BEND3: variants seen among roughly 807,000 people sequenced by gnomAD.
BEND3 encodes BEN domain-containing protein 3.
Under a neutral mutation model 60.1 loss-of-function variants are expected in BEND3, and 13 were observed. The ratio of observed to expected loss-of-function variants is 0.22; its 90% CI spans 0.14 to 0.34. The LOEUF (loss-of-function observed/expected upper bound fraction) is 0.34. BEND3 is among the 10% of genes least tolerant of loss of function. BEND3 has a pLI of 1.00. For synonymous variants in BEND3, 497 were observed against 491.5 expected, an observed-to-expected ratio of 1.01 and a Z score of -0.15; for missense variants, 896 against 1,138.1, an observed-to-expected ratio of 0.79 and a Z score of 3.06.
chr6:107,097,052 G>T (rs1414718550), intron 3 of BEND3, among the ~76,000 whole-genome samples: 1 of 152,116 alleles, frequency 6.6e-6, no homozygotes, highest in African/African-American at 2.4e-5. Context: ...GAAAGGTATA[G>T]TATGTGAATT....
chr6:107,078,558 C>A (rs1554233052), intron 3 of BEND3, among the ~76,000 whole-genome samples: 1 of 11,190 alleles, frequency 8.9e-5, no homozygotes, highest in Non-Finnish European at 1.9e-4. Context: ...GGGTTCATGC[C>A]ATTCTCCTGC....
At chr6:107,114,875 C>G (rs1770229766) in intron 1 of BEND3, among the ~76,000 whole-genome samples, 2 of 149,252 alleles carry the variant, frequency 1.3e-5, no homozygotes, top group Non-Finnish European at 3.0e-5. Context: ...GCGCGGCGAG[C>G]CCGTGGGCGC....
chr6:107,094,663 T>G (rs559648729), intron 3 of BEND3, among the ~76,000 whole-genome samples: 3 of 128,564 alleles, frequency 2.3e-5, no homozygotes, highest in African/African-American at 8.8e-5. Context: ...AATAAATAAA[T>G]AAAACGAACA....
intron 3 of BEND3, among the ~76,000 whole-genome samples, chr6:107,086,008 C>T (rs1402185854): frequency 1.3e-5 from 2 of 151,812 alleles, no homozygotes; most frequent in Non-Finnish European, 2.9e-5. Context: ...AGGATGGTCT[C>T]GATCTCCTGA....
rs1554231209 is a variant in BEND3, at chr6:107,068,668, C to A, written c.*36G>T. The A allele has an allele frequency of 6.3e-7, 1 of 1,592,478 alleles. No homozygotes were observed. Among genetic ancestry groups the A allele is most frequent in the East Asian group, 2.2e-5 (1 of 44,858 alleles). ...CCCAAGGGTGCCCATCGCTCAGCCT[C>A]TGGTGACCCCGAATCTCTGGGCAGG... On this transcript the variant is annotated 3_prime_UTR_variant, in exon 4 of 4. Coordinates refer to ENST00000369042, the MANE Select transcript of BEND3 (RefSeq NM_001367314.1). This position sits in a 1 kb window ranked among gnomAD's most constrained non-coding sequence, Gnocchi z 5.8.
chr6:107,080,119 G>A (rs1207772104), intron 3 of BEND3, among the ~76,000 whole-genome samples: 2 of 151,790 alleles, frequency 1.3e-5, no homozygotes, highest in Non-Finnish European at 2.9e-5. Flanking sequence ...ACATATGGCT[G>A]GCTGTGGTGG....
At chr6:107,100,298 A>C (rs1554236619) in intron 1 of BEND3, among the ~76,000 whole-genome samples, 1 of 152,182 alleles carries the variant, frequency 6.6e-6, no homozygotes, top group East Asian at 1.9e-4. Flanking sequence ...GCTGGAGTGC[A>C]GTGGCGCAAT....
intron 3 of BEND3, among the ~76,000 whole-genome samples, chr6:107,084,097 G>A (rs782135104): frequency 1.3e-5 from 2 of 152,148 alleles, no homozygotes; most frequent in African/African-American, 4.8e-5. Context: ...CCGTAAGACC[G>A]GTAAGGTCAC....
chr6:107,082,511 T>TTGGCTC (rs1175934174), intron 3 of BEND3, among the ~76,000 whole-genome samples: 2 of 152,190 alleles, frequency 1.3e-5, no homozygotes, highest in Admixed American at 1.3e-4. Context: ...CTTGGCTCAC[T>TTGGCTC]ACAACTTCTA....
rs34112086 is a variant in BEND3 at position 107,107,424 on chromosome 6, C to CTT, written c.-12+7664_-12+7665dup. 3.8e-3 allele frequency among the ~76,000 whole-genome samples: 552 copies of CTT among 147,046 alleles called. 9 individuals carry two copies. The South Asian group carries it at 0.048, about 13-fold the overall frequency. On this transcript the variant is annotated intron_variant, in intron 1 of 3. Coordinates refer to ENST00000369042, the MANE Select transcript of BEND3 (RefSeq NM_001367314.1). ...CTCAAAGTTACCTATTATAAAGCTT[C>CTT]TTTTTTTTTTTTTAAGGAAAAGATG...
Position 107,068,929 on chromosome 6 carries a change from G to A in BEND3, c.2262C>T (p.Ala754=), listed in dbSNP as rs375018441. ...GGTTGTACTGCAGCCGGAGGTTCTC[G>A]GCGGTGAAGAGTTCGGGAAACAGGC... ...LVRLFPELFT[A]ENLRLQYNHS... Residue 754 remains alanine (A), a synonymous_variant, in exon 4 of 4, where the codon GCC becomes GCT. Transcript: ENST00000369042. This position sits in a 1 kb window ranked among gnomAD's most constrained non-coding sequence, Gnocchi z 5.8. The A allele has an allele frequency of 1.1e-5, 17 of 1,613,874 alleles. No homozygotes were observed. Among genetic ancestry groups the A allele is most frequent in the Admixed American group, 1.0e-4 (6 of 60,008 alleles).
intron 1 of BEND3, among the ~76,000 whole-genome samples, chr6:107,102,403 T>C (rs771794229): frequency 3.3e-4 from 50 of 152,190 alleles, no homozygotes; most frequent in Non-Finnish European, 5.6e-4. Flanking sequence ...AGCAGGCAAT[T>C]TGGCCTCTGA....
rs1405749818 is a variant in BEND3, at chr6:107,115,357, AC to A, written c.-280del. The A allele has an allele frequency of 6.8e-6, 1 of 147,846 alleles. No homozygotes were observed. Among genetic ancestry groups the A allele is most frequent in the Admixed American group, 6.7e-5 (1 of 14,954 alleles). The allele number at this position is 147,846 out of a possible 1,614,324, so 9.2% of individuals were successfully genotyped here. A position where few individuals can be genotyped will look rare whatever the true frequency, so the allele number is the denominator to read the frequency against. ...ACACAGGAGCCCCCGCTGCAGTGGA[AC>A]CACAACCCCTCCGCCCCCACCCCCG... On this transcript the variant is annotated 5_prime_UTR_variant, in exon 1 of 4. Transcript: ENST00000369042.
In BEND3 at chr6:107,068,486, AC is replaced by A; in HGVS notation, c.*217del. On this transcript the variant is annotated 3_prime_UTR_variant, in exon 4 of 4. Coordinates refer to ENST00000369042, the MANE Select transcript of BEND3 (RefSeq NM_001367314.1). The surrounding 1 kb of genome is among the most constrained non-coding windows in gnomAD (Gnocchi z 5.8). ...CACACTCAGGCTGCCCCGCCGGGGC[AC>A]ATAGGACAGAAGTTGTAAGTACAAG... 1.8e-6 allele frequency: 1 copy of A among 561,072 alleles called. No individual in the cohort carries two copies. Among genetic ancestry groups the A allele is most frequent in the Non-Finnish European group, 3.1e-6 (1 of 324,876 alleles). 34.8% of individuals were successfully genotyped at this position (561,072 alleles called of 1,614,324 possible). A position where few individuals can be genotyped will look rare whatever the true frequency, so the allele number is the denominator to read the frequency against.
At chr6:107,099,407 A>T in intron 1 of BEND3, 111 bp from the exon 2 acceptor site, 2 of 871,278 alleles carry the variant, frequency 2.3e-6, no homozygotes, top group South Asian at 1.5e-5. Context: ...TAGGTAACAG[A>T]GCAGCACAGC....
intron 1 of BEND3, chr6:107,114,273 C>T (rs1366146242): frequency 6.6e-6 from 1 of 152,190 alleles, no homozygotes; most frequent in Non-Finnish European, 1.5e-5. Context: ...GCGGCGAGCG[C>T]CCCAGGCTTC....
intron 1 of BEND3, among the ~76,000 whole-genome samples, chr6:107,114,768 G>A (rs1367596821): frequency 8.2e-5 from 12 of 145,484 alleles, no homozygotes; most frequent in African/African-American, 3.0e-4. Flanking sequence ...CGGTTCCACC[G>A]CGCGAACCCC....
rs1554236479 is a variant in BEND3, at chr6:107,099,268, G to A, written c.18C>T (p.Phe6=). MNSTE[F]TEDVEEVLKS... is the part of the protein sequence containing the mutation. ...TTTTACCTTCTTCTACATCTTCGGT[G>A]AATTCAGTTGAGTTCATCTTCTATT... The change falls in exon 2 of 4, where the codon TTC becomes TTT. Residue 6 remains phenylalanine (F), a synonymous_variant. Transcript: ENST00000369042. 8 of 1,610,382 alleles carry A rather than the reference G, an allele frequency of 5.0e-6. No individual in the cohort carries two copies. The highest frequency in any genetic ancestry group is 1.1e-5 in the South Asian group (1 of 90,618).
intron 1 of BEND3, among the ~76,000 whole-genome samples, chr6:107,102,294 T>C (rs1223096977): frequency 1.3e-5 from 2 of 152,172 alleles, no homozygotes; most frequent in Non-Finnish European, 2.9e-5. Context: ...GGAATGTGGC[T>C]TGGTGAGCAG....
Sources: allele counts gnomAD v4.1 joint callset (sites outside exome capture counted in the v4.1 genomes callset), GRCh38; gene constraint gnomAD v4.1.1; non-coding constraint Gnocchi (gnomAD v3.1); transcripts MANE v1.5; gene names NCBI Gene and HGNC (gene_info 2026-07-23, HGNC 2026-07-21).